Variants in ANO5 observed in about 807,000 individuals in gnomAD.
The protein encoded by ANO5 is anoctamin 5.
ANO5 carries 109 observed loss-of-function variants against 121.0 expected under a neutral mutation model. The ratio of observed to expected loss-of-function variants is 0.90; its 90% CI spans 0.77 to 1.06. ANO5 has a LOEUF of 1.06. ANO5 is among the 50% of genes least tolerant of loss of function. ANO5 has a pLI of 0.00. For synonymous variants in ANO5, 406 were observed against 359.9 expected, an observed-to-expected ratio of 1.13 and a Z score of -1.45; for missense variants, 1,064 against 1,078.5, an observed-to-expected ratio of 0.99 and a Z score of 0.19.
intron 17 of ANO5, among the ~76,000 whole-genome samples, chr11:22,269,404 G>GA (rs374535843): frequency 1.1e-4 from 14 of 131,856 alleles, no homozygotes; most frequent in African/African-American, 2.3e-4. Flanking sequence ...GAAGGAAGGA[G>GA]AAAAAAAGAG....
Position 22,274,721 on chromosome 11 carries a change from G to C in ANO5, c.2388G>C (p.Ser796=). The change falls in exon 20 of 22, where the codon TCG becomes TCC. Residue 796 remains serine, a synonymous_variant. Coordinates refer to ENST00000324559, the MANE Select transcript of ANO5 (RefSeq NM_213599.3). ...ATTTTCCAAACCACACTGCACCTTC[G>C]GAAAAACGAGACTTCATCACTTGCA... The part of the protein sequence containing the change: ...IADFPNHTAP[S]EKRDFITCRY... 1.2e-6 allele frequency: 2 copies of C among 1,613,222 alleles called. No individual in the cohort carries two copies. Among genetic ancestry groups the C allele is most frequent in the Admixed American group, 1.7e-5 (1 of 59,974 alleles).
chr11:22,220,376 C>G (rs113951671), intron 4 of ANO5, among the ~76,000 whole-genome samples: 7 of 152,062 alleles, frequency 4.6e-5, no homozygotes, highest in Admixed American at 1.3e-4. Context: ...CTGAAGCTCT[C>G]TCATGTTTTT....
intron 9 of ANO5, among the ~76,000 whole-genome samples, chr11:22,243,598 A>C (rs1853507612): frequency 6.6e-6 from 1 of 151,790 alleles, no homozygotes. Flanking sequence ...AAATTTCAAA[A>C]CTTATAATGG....
chr11:22,275,155 G>A (rs1854790774), intron 20 of ANO5, among the ~76,000 whole-genome samples: 1 of 151,900 alleles, frequency 6.6e-6, no homozygotes, highest in Non-Finnish European at 1.5e-5. Context: ...TCAGAAAAGA[G>A]AGTGAGACAG....
chr11:22,280,179 G>A lies in ANO5; in HGVS notation c.*414G>A. 3 of 180,176 alleles carry A rather than the reference G, an allele frequency of 1.7e-5. No homozygotes were observed. Among genetic ancestry groups the A allele is most frequent in the South Asian group, 1.2e-4 (1 of 8,304 alleles). The allele number at this position is 180,176 out of a possible 1,614,324, so 11.2% of individuals were successfully genotyped here. A position where few individuals can be genotyped will look rare whatever the true frequency, so the allele number is the denominator to read the frequency against. Reference sequence around the variant, plus strand: ...CCTTCCCCATTAAGAAAAATGTTGGGGCAAAAAGAAATGGATCAAAGAGAC... The same window carrying A: ...CCTTCCCCATTAAGAAAAATGTTGGAGCAAAAAGAAATGGATCAAAGAGAC... On this transcript the variant is annotated 3_prime_UTR_variant, in exon 22 of 22. Coordinates refer to ENST00000324559, the MANE Select transcript of ANO5 (RefSeq NM_213599.3).
At chr11:22,262,003 G>T in intron 15 of ANO5, 126 bp from the exon 16 acceptor site, 2 of 850,452 alleles carry the variant, frequency 2.4e-6, no homozygotes, top group East Asian at 4.9e-5. Flanking sequence ...GCCTACTATC[G>T]CCAGAATGGG....
At chr11:22,234,910 A>G (rs924129593) in intron 7 of ANO5, among the ~76,000 whole-genome samples, 6 of 152,162 alleles carry the variant, frequency 3.9e-5, no homozygotes, top group East Asian at 1.9e-4. Flanking sequence ...TCTTCTCCCT[A>G]TAGGAACCTG....
At chr11:22,234,826 G>A (rs979664649) in intron 7 of ANO5, among the ~76,000 whole-genome samples, 1 of 152,058 alleles carries the variant, frequency 6.6e-6, no homozygotes, top group Non-Finnish European at 1.5e-5. Context: ...TGAGTGGTTA[G>A]CTGAACTGTT....
At chr11:22,260,171 C>CT (rs1854147235) in intron 15 of ANO5, among the ~76,000 whole-genome samples, 1 of 152,070 alleles carries the variant, frequency 6.6e-6, no homozygotes, top group South Asian at 2.1e-4. Flanking sequence ...AATTTTAGCG[C>CT]TTTTCTTTTC....
At chr11:22,222,456 C>A (rs1460804900) in intron 5 of ANO5, among the ~76,000 whole-genome samples, 1 of 151,942 alleles carries the variant, frequency 6.6e-6, no homozygotes, top group Non-Finnish European at 1.5e-5. Context: ...CTACTAATAA[C>A]TGCAACTCTT....
rs76262001 is a variant in ANO5 at position 22,198,893 on chromosome 11, C to T, written c.41-4911C>T. ...GTCTCCTTTTCATTCACAGATCTAA[C>T]GAGAGATGATCAGGATCAGGATCAA... is the stretch of plus-strand genomic sequence containing the variant. On this transcript the variant is annotated intron_variant, in intron 1 of 21. Transcript: ENST00000324559. Among the ~76,000 whole-genome samples the T allele has an allele frequency of 7.7e-3, 1,169 of 152,164 alleles. 10 individuals carry two copies. Among genetic ancestry groups the T allele is most frequent in the African/African-American group, 0.027 (1,108 of 41,506 alleles).
Position 22,193,321 on chromosome 11 carries a change from G to GGAGGAGGGGAAT in ANO5, c.-165_-164insGGAATGAGGAGG, listed in dbSNP as rs1851706123. ...GGCGCCCAGAGACGGTGGAGTCCGA[G>GGAGGAGGGGAAT]GAGGAGGAGAAGGAGGCCTGCAGAA... On this transcript the variant is annotated 5_prime_UTR_variant, in exon 1 of 22. It adds an upstream start codon to the 5' untranslated region. Coordinates refer to ENST00000324559, the MANE Select transcript of ANO5 (RefSeq NM_213599.3). The GGAGGAGGGGAAT allele has an allele frequency of 6.2e-6, 2 of 320,380 alleles. No individual in the cohort carries two copies. The highest frequency in any genetic ancestry group is 1.2e-3 in the Middle Eastern group (1 of 834). The allele number at this position is 320,380 out of a possible 1,614,324, so 19.8% of individuals were successfully genotyped here.
chr11:22,210,062 G>A (rs958675964), intron 2 of ANO5, among the ~76,000 whole-genome samples: 11 of 151,872 alleles, frequency 7.2e-5, no homozygotes, highest in African/African-American at 2.4e-4. Flanking sequence ...GTATTTAGAC[G>A]AGCTAGTGGA....
At chr11:22,243,528 G>A (rs1038700756) in intron 9 of ANO5, among the ~76,000 whole-genome samples, 1 of 151,808 alleles carries the variant, frequency 6.6e-6, no homozygotes, top group African/African-American at 2.4e-5. Context: ...GCTAGTATTT[G>A]GGTGTGAATT....
intron 12 of ANO5, among the ~76,000 whole-genome samples, chr11:22,254,952 C>T (rs1053010594): frequency 2.6e-5 from 4 of 151,900 alleles, no homozygotes; most frequent in Admixed American, 2.6e-4. Context: ...GGGATTGGCT[C>T]TTATGCTTCC....
chr11:22,279,114 C>T (rs1341970947), intron 21 of ANO5, among the ~76,000 whole-genome samples: 1 of 151,760 alleles, frequency 6.6e-6, no homozygotes, highest in Non-Finnish European at 1.5e-5. Context: ...AAACTAATAC[C>T]TTCAAAAGTC....
chr11:22,219,168 T>C (rs1038877083), intron 4 of ANO5, among the ~76,000 whole-genome samples: 9 of 152,030 alleles, frequency 5.9e-5, no homozygotes, highest in African/African-American at 1.9e-4. Context: ...GTGATTTTTT[T>C]CCCATATTTA....
At position 22,259,559 on chromosome 11, in the gene ANO5, A is replaced by G. The variant is rs1262656725; in HGVS notation, c.1448A>G (p.Tyr483Cys). Residue 483 changes from tyrosine to cysteine, a missense_variant, in exon 15 of 22, where the codon TAC becomes TGC. Physicochemically the swap from Tyr to Cys is radical, Grantham distance 194 (BLOSUM62 -2). Transcript: ENST00000324559. The part of the protein sequence containing the change: ...VVTSMVAVIV[Y>C]RLSVFATFAS... Reference sequence around the variant, plus strand: ...ACCAGTATGGTAGCTGTAATTGTGTACCGCCTGTCAGTCTTTGCTACATTT... The same window carrying G: ...ACCAGTATGGTAGCTGTAATTGTGTGCCGCCTGTCAGTCTTTGCTACATTT... The G allele has an allele frequency of 2.5e-6, 4 of 1,614,134 alleles. No individual in the cohort carries two copies. Among genetic ancestry groups the G allele is most frequent in the Non-Finnish European group, 3.4e-6 (4 of 1,180,010 alleles).
upstream of ANO5, chr11:22,192,979 C>T (rs564705996): frequency 3.0e-6 from 3 of 985,092 alleles, no homozygotes; most frequent in East Asian, 1.1e-4. Context: ...AGATGGCGGT[C>T]TCCGAGGGTG....
Sources: gnomAD v4.1 joint callset for allele counts (sites outside exome capture counted in the v4.1 genomes callset) on GRCh38, gnomAD v4.1.1 for gene constraint, MANE v1.5 for transcripts, NCBI Gene and HGNC (gene_info 2026-07-23, HGNC 2026-07-21) for gene names.